The following SCHIP1 variants were observed in gnomAD, a reference collection of about 807,000 sequenced individuals.
The protein encoded by SCHIP1 is schwannomin interacting protein 1, also known as schwannomin-interacting protein 1.
In SCHIP1, 8 loss-of-function variants were observed where a neutral mutation model predicts 29.7. That is an observed-to-expected ratio of 0.27 (90% CI 0.16 to 0.49). SCHIP1 has a LOEUF of 0.49. Ranked by LOEUF, SCHIP1 falls within the 20% of genes least tolerant of loss-of-function variation. The pLI, the probability that SCHIP1 is intolerant of heterozygous loss-of-function variation, is 0.99. For synonymous variants in SCHIP1, 76 were observed against 94.9 expected, an observed-to-expected ratio of 0.80 and a Z score of 1.16; for missense variants, 193 against 294.6, an observed-to-expected ratio of 0.66 and a Z score of 2.52.
the SCHIP1 span, among the ~76,000 whole-genome samples, chr3:159,624,282 A>T: frequency 1.3e-5 from 2 of 152,224 alleles, no homozygotes; most frequent in African/African-American, 4.8e-5. Context: ...ATGGAATCAA[A>T]GTAACCTGTG....
At chr3:159,638,537 G>A in the SCHIP1 span, among the ~76,000 whole-genome samples, 1 of 150,186 alleles carries the variant, frequency 6.7e-6, no homozygotes, top group South Asian at 2.1e-4. Context: ...CAAAGAATAT[G>A]AAAGACTTCA....
At chr3:159,493,548 C>A in the SCHIP1 span, among the ~76,000 whole-genome samples, 1 of 151,892 alleles carries the variant, frequency 6.6e-6, no homozygotes, top group Non-Finnish European at 1.5e-5. Flanking sequence ...ACAAGAAGAG[C>A]TAACTATCCT....
the SCHIP1 span, among the ~76,000 whole-genome samples, chr3:159,731,828 A>G: frequency 3.3e-5 from 5 of 152,200 alleles, no homozygotes; most frequent in Admixed American, 3.3e-4. Context: ...TCTGGCCTTT[A>G]AAATTAGCCC....
At chr3:159,489,331 T>TAG in the SCHIP1 span, among the ~76,000 whole-genome samples, 1 of 152,214 alleles carries the variant, frequency 6.6e-6, no homozygotes, top group Non-Finnish European at 1.5e-5. Flanking sequence ...TAAGAAGACT[T>TAG]TTACTATTAG....
the SCHIP1 span, among the ~76,000 whole-genome samples, chr3:159,277,951 G>T: frequency 4.6e-5 from 7 of 151,694 alleles, no homozygotes; most frequent in Non-Finnish European, 1.0e-4. Context: ...ATTTTTCAAC[G>T]GTATAGGAAT....
the SCHIP1 span, among the ~76,000 whole-genome samples, chr3:159,459,945 A>G: frequency 6.6e-6 from 1 of 152,116 alleles, no homozygotes; most frequent in Non-Finnish European, 1.5e-5. Flanking sequence ...CCTTGATCTC[A>G]TACTTCTGGC....
the SCHIP1 span, among the ~76,000 whole-genome samples, chr3:159,753,012 T>G: frequency 1.9e-4 from 29 of 152,338 alleles, no homozygotes; most frequent in East Asian, 5.6e-3. Flanking sequence ...TCCTCATTTC[T>G]GTGTCCCTAG....
the SCHIP1 span, among the ~76,000 whole-genome samples, chr3:159,576,243 T>C: frequency 5.3e-5 from 8 of 152,220 alleles, no homozygotes; most frequent in Non-Finnish European, 1.2e-4. Flanking sequence ...AATTCTTACA[T>C]GTCAACTAAA....
At chr3:159,489,652 A>T in the SCHIP1 span, among the ~76,000 whole-genome samples, 3 of 152,204 alleles carry the variant, frequency 2.0e-5, no homozygotes, top group Non-Finnish European at 4.4e-5. Context: ...GGATTGAAAC[A>T]GCCAAAAATT....
At chr3:159,881,412 G>A (rs1318498962) in intron 2 of SCHIP1, among the ~76,000 whole-genome samples, 1 of 152,154 alleles carries the variant, frequency 6.6e-6, no homozygotes, top group African/African-American at 2.4e-5. Context: ...GTAATGAATG[G>A]CATAGCAGGA....
intron 1 of SCHIP1, among the ~76,000 whole-genome samples, chr3:159,852,743 A>G (rs1032639770): frequency 1.3e-5 from 2 of 152,116 alleles, no homozygotes; most frequent in South Asian, 4.1e-4. Context: ...CTCCTACCAG[A>G]TGAGACTTTT....
the SCHIP1 span, among the ~76,000 whole-genome samples, chr3:159,394,040 A>T: frequency 5.9e-5 from 9 of 151,750 alleles, no homozygotes; most frequent in African/African-American, 2.2e-4. Context: ...ATCCCTTGTA[A>T]GTTGGATTCC....
chr3:159,582,507 A>AT, the SCHIP1 span, among the ~76,000 whole-genome samples: 35 of 151,982 alleles, frequency 2.3e-4, no homozygotes, highest in South Asian at 2.5e-3. Flanking sequence ...GCAATAAAGT[A>AT]TTTTTTTTAA....
the SCHIP1 span, among the ~76,000 whole-genome samples, chr3:159,361,171 G>T: frequency 6.6e-6 from 1 of 152,216 alleles, no homozygotes; most frequent in Non-Finnish European, 1.5e-5. Context: ...ATGTTAGAAA[G>T]TGAAGGATGA....
chr3:159,406,856 A>T, the SCHIP1 span, among the ~76,000 whole-genome samples: 1 of 152,162 alleles, frequency 6.6e-6, no homozygotes, highest in Non-Finnish European at 1.5e-5. Flanking sequence ...TATTTGCAAT[A>T]CTCATGGTAA....
the SCHIP1 span, among the ~76,000 whole-genome samples, chr3:159,368,709 G>A: frequency 2.7e-5 from 4 of 148,164 alleles, no homozygotes; most frequent in East Asian, 2.0e-4. Flanking sequence ...CAATCCCTAC[G>A]TTAGTGGGCA....
the SCHIP1 span, among the ~76,000 whole-genome samples, chr3:159,574,867 C>T: frequency 6.6e-6 from 1 of 152,196 alleles, no homozygotes; most frequent in Non-Finnish European, 1.5e-5. Flanking sequence ...TGATCTCAGA[C>T]TTGCTCAGTG....
At chr3:159,729,235 G>C in the SCHIP1 span, among the ~76,000 whole-genome samples, 2 of 152,030 alleles carry the variant, frequency 1.3e-5, no homozygotes, top group Non-Finnish European at 2.9e-5. Flanking sequence ...TTGTGGTAGT[G>C]GTAAAAAAAT....
upstream of SCHIP1, among the ~76,000 whole-genome samples, chr3:159,837,072 A>G (rs1409506994): frequency 6.6e-6 from 1 of 151,006 alleles, no homozygotes; most frequent in African/African-American, 2.4e-5. Context: ...TCCACTATTT[A>G]TGGAACAGCA....
Sources: gnomAD v4.1 joint callset for allele counts (sites outside exome capture counted in the v4.1 genomes callset) on GRCh38, gnomAD v4.1.1 for gene constraint, MANE v1.5 for transcripts, NCBI Gene and HGNC (gene_info 2026-07-23, HGNC 2026-07-21) for gene names.